Variants in SZRD1 observed in about 807,000 individuals in gnomAD.
SZRD1 encodes SUZ RNA binding domain containing 1.
In SZRD1, 7 loss-of-function variants were observed where a neutral mutation model predicts 17.6. The observed-to-expected ratio is 0.40, with a 90% CI of 0.23 to 0.75. The LOEUF (loss-of-function observed/expected upper bound fraction) is 0.75. Ranked by LOEUF, SZRD1 falls within the 30% of genes least tolerant of loss-of-function variation. The probability of loss-of-function intolerance (pLI) is 0.38; values close to 1 mark genes in which losing one functional copy is unlikely to be tolerated. For synonymous variants in SZRD1, 77 were observed against 77.9 expected (o/e 0.99, Z 0.06); for missense variants, 178 against 201.8 (o/e 0.88, Z 0.71).
intron 1 of SZRD1, chr1:16,387,268 T>C (rs1157804836): frequency 2.2e-6 from 1 of 456,300 alleles, no homozygotes; most frequent in Non-Finnish European, 4.4e-6. Context: ...CTCCTTGTGC[T>C]GGAACTGGGC....
chr1:16,369,671 C>G, intron 1 of SZRD1: 1 of 518,390 alleles, frequency 1.9e-6, no homozygotes, highest in Non-Finnish European at 3.4e-6. Flanking sequence ...GGTGGATAAC[C>G]TGAGGTTAGG....
intron 1 of SZRD1, among the ~76,000 whole-genome samples, chr1:16,383,946 A>G (rs966975836): frequency 2.6e-5 from 4 of 152,216 alleles, no homozygotes; most frequent in Admixed American, 1.3e-4. Context: ...TTAACTCAGT[A>G]TGTCCAAAAT....
At chr1:16,368,822 A>G (rs2082864605) in intron 1 of SZRD1, among the ~76,000 whole-genome samples, 1 of 152,230 alleles carries the variant, frequency 6.6e-6, no homozygotes. Flanking sequence ...TATCATGCAA[A>G]TGATACGTTT....
intron 1 of SZRD1, among the ~76,000 whole-genome samples, chr1:16,372,042 C>A (rs1344760715): frequency 1.3e-5 from 2 of 152,204 alleles, no homozygotes; most frequent in Non-Finnish European, 2.9e-5. Context: ...TGGAGAAAGA[C>A]TGACTTTGAG....
intron 1 of SZRD1, chr1:16,387,307 G>A: frequency 2.2e-6 from 1 of 456,396 alleles, no homozygotes; most frequent in Non-Finnish European, 4.4e-6. Context: ...AAACCCTAGA[G>A]GAAGAAGGAA....
rs141519603 is a variant in SZRD1 at position 16,390,818 on chromosome 1, G to T, written c.52-557G>T. 2.0e-3 allele frequency among the ~76,000 whole-genome samples: 307 copies of T among 152,236 alleles called. 1 individual carries two copies. The highest frequency in any genetic ancestry group is 7.1e-3 in the African/African-American group (293 of 41,544). ...CCAGGCTGGGTTGTGCAGGATCAAT[G>T]GGAGTTTGCAAGGGGAGGGGACATT... On this transcript the variant is annotated intron_variant, in intron 1 of 3. Transcript: ENST00000401088.
intron 1 of SZRD1, among the ~76,000 whole-genome samples, chr1:16,371,691 G>A (rs2100693317): frequency 6.7e-6 from 1 of 149,662 alleles, no homozygotes; most frequent in South Asian, 2.1e-4. Flanking sequence ...TCGATCTCCT[G>A]ACCTCGTGAT....
intron 1 of SZRD1, among the ~76,000 whole-genome samples, chr1:16,390,173 GAGGGAGTGGGACTT>G (rs2085199772): frequency 6.6e-6 from 1 of 152,250 alleles, no homozygotes; most frequent in African/African-American, 2.4e-5. Flanking sequence ...GAGGATGGCT[GAGGGAGTGGGACTT>G]TTTCTAAGAA....
intron 1 of SZRD1, chr1:16,387,135 T>G (rs925371636): frequency 3.3e-5 from 12 of 361,062 alleles, no homozygotes; most frequent in African/African-American, 2.6e-4. Context: ...GGTATTATTT[T>G]AAAAGCTATT....
intron 1 of SZRD1, among the ~76,000 whole-genome samples, chr1:16,383,418 C>CT (rs745751974): frequency 6.6e-6 from 1 of 151,898 alleles, no homozygotes; most frequent in Non-Finnish European, 1.5e-5. Context: ...TGAGGTCTTA[C>CT]TTTCTTGTCC....
chr1:16,377,484 C>T (rs1198560384), intron 1 of SZRD1, among the ~76,000 whole-genome samples: 1 of 148,082 alleles, frequency 6.8e-6, no homozygotes, highest in Non-Finnish European at 1.5e-5. Context: ...ACTCAGGAGG[C>T]TGAGGCAGGG....
intron 1 of SZRD1, among the ~76,000 whole-genome samples, chr1:16,388,766 G>A (rs575578481): frequency 2.2e-5 from 3 of 135,678 alleles, no homozygotes; most frequent in Non-Finnish European, 4.6e-5. Flanking sequence ...ACTCACTGCA[G>A]CCTCCCTAGT....
chr1:16,384,083 G>A (rs80018988), intron 1 of SZRD1, among the ~76,000 whole-genome samples: 2 of 152,262 alleles, frequency 1.3e-5, no homozygotes, highest in South Asian at 4.1e-4. Context: ...ATTAGTCAGG[G>A]GAAGTAGAAT....
At chr1:16,375,118 C>T (rs1000098392) in intron 1 of SZRD1, among the ~76,000 whole-genome samples, 21 of 152,086 alleles carry the variant, frequency 1.4e-4, no homozygotes, top group South Asian at 4.1e-4. Flanking sequence ...CCTCGTGATC[C>T]GCCCGCCTCG....
intron 1 of SZRD1, 117 bp downstream of exon 1, chr1:16,367,425 G>A (rs567369521): frequency 2.2e-4 from 224 of 1,025,870 alleles, no homozygotes; most frequent in Non-Finnish European, 2.9e-4. Flanking sequence ...CGCCGGGCTG[G>A]GGGTGGTGGA....
At chr1:16,390,689 G>T (rs1405242817) in intron 1 of SZRD1, 1 of 152,208 alleles carries the variant, frequency 6.6e-6, no homozygotes, top group Admixed American at 6.6e-5. Context: ...TAAAATATTA[G>T]ATATGACCAT....
At chr1:16,385,767 C>T (rs1383496016) in intron 1 of SZRD1, among the ~76,000 whole-genome samples, 1 of 152,184 alleles carries the variant, frequency 6.6e-6, no homozygotes, top group African/African-American at 2.4e-5. Flanking sequence ...CAGCCAGAGG[C>T]ACATTTATAG....
chr1:16,393,615 G>T lies in SZRD1; in HGVS notation c.356+133G>T. On this transcript the variant is annotated intron_variant, in intron 3 of 3. Transcript: ENST00000401088. The surrounding 1 kb of genome is among the most constrained non-coding windows in gnomAD (Gnocchi z 5.6). ...TAGGAACCATGCAGCTCCACTTGCTGATCCCAGCCTGCTGGCACTAGTTCA... is the reference window on the plus strand; with the variant it reads ...TAGGAACCATGCAGCTCCACTTGCTTATCCCAGCCTGCTGGCACTAGTTCA... 2 of 1,007,748 alleles carry T rather than the reference G, an allele frequency of 2.0e-6. No homozygotes were observed. Among genetic ancestry groups the T allele is most frequent in the Non-Finnish European group, 2.9e-6 (2 of 699,148 alleles). The allele number at this position is 1,007,748 out of a possible 1,614,324, so 62.4% of individuals were successfully genotyped here.
chr1:16,389,546 C>T (rs1570041069), intron 1 of SZRD1, among the ~76,000 whole-genome samples: 3 of 151,700 alleles, frequency 2.0e-5, no homozygotes, highest in African/African-American at 4.8e-5. Context: ...CTCCTGACCT[C>T]GTGATCCGCC....
Sources: allele counts gnomAD v4.1 joint callset (sites outside exome capture counted in the v4.1 genomes callset), GRCh38; gene constraint gnomAD v4.1.1; non-coding constraint Gnocchi (gnomAD v3.1); transcripts MANE v1.5; gene names NCBI Gene and HGNC (gene_info 2026-07-23, HGNC 2026-07-21).